Variants in NUP37 observed in about 807,000 individuals in gnomAD.
NUP37 encodes nucleoporin Nup37.
A neutral mutation model predicts 45.4 loss-of-function variants in NUP37; 33 were observed. That is an observed-to-expected ratio of 0.73 (90% CI 0.55 to 0.97). The LOEUF (loss-of-function observed/expected upper bound fraction) is 0.97, where lower values mean the gene tolerates loss of function less well. Among genes scored for constraint, NUP37 ranks in the 50% least tolerant of loss-of-function variants. The probability of loss-of-function intolerance (pLI) is 0.00; values close to 1 mark genes in which losing one functional copy is unlikely to be tolerated. For missense variants in NUP37, 365 were observed against 389.7 expected (o/e 0.94, Z 0.53); for synonymous variants, 127 against 130.7 (o/e 0.97, Z 0.19).
intron 3 of NUP37, among the ~76,000 whole-genome samples, chr12:102,111,303 GGAA>G (rs1880311007): frequency 1.3e-5 from 2 of 152,242 alleles, no homozygotes; most frequent in South Asian, 4.1e-4. Context: ...TGATTAACTG[GGAA>G]GAAGTATGAC....
chr12:102,112,886 ATTGT>A (rs1046118687), intron 2 of NUP37, among the ~76,000 whole-genome samples: 2 of 152,196 alleles, frequency 1.3e-5, no homozygotes, highest in Admixed American at 6.5e-5. Context: ...CTGAACTATT[ATTGT>A]TTATGAATAG....
intron 2 of NUP37, among the ~76,000 whole-genome samples, chr12:102,113,683 A>G (rs1880379349): frequency 1.3e-5 from 2 of 152,212 alleles, no homozygotes; most frequent in African/African-American, 4.8e-5. Context: ...TTTTCTTTAT[A>G]AAAGTGTATG....
chr12:102,110,875 A>G (rs1323143438), intron 3 of NUP37, among the ~76,000 whole-genome samples: 2 of 152,148 alleles, frequency 1.3e-5, no homozygotes, highest in Non-Finnish European at 2.9e-5. Flanking sequence ...GGAGAGTAGG[A>G]AGACCACCCT....
chr12:102,077,334 A>C lies in NUP37; in HGVS notation c.710T>G (p.Ile237Ser), dbSNP rs768632037. Residue 237 changes from isoleucine to serine, a missense_variant, in exon 7 of 10, where the codon ATT becomes AGT. Physicochemically the swap from Ile to Ser is moderately radical, Grantham distance 142. Coordinates refer to ENST00000552283, the MANE Select transcript of NUP37 (RefSeq NM_024057.4). ...ATCAAGAAAGTACCTGGACCGAGTA[A>C]TATCCCAAATTAACCAATCATTTCC... ...VAGNDWLIWDITRSSYPQNKR... is the reference protein window; with the variant it reads ...VAGNDWLIWDSTRSSYPQNKR... The C allele has an allele frequency of 1.2e-6, 2 of 1,614,092 alleles. No homozygotes were observed.
At chr12:102,092,224 C>T (rs1879675331) in intron 5 of NUP37, among the ~76,000 whole-genome samples, 1 of 151,988 alleles carries the variant, frequency 6.6e-6, no homozygotes, top group African/African-American at 2.4e-5. Flanking sequence ...TTTGACAACA[C>T]AAAAGAAAGA....
chr12:102,112,504 A>AG (rs1698343958), intron 2 of NUP37, among the ~76,000 whole-genome samples: 1 of 152,168 alleles, frequency 6.6e-6, no homozygotes, highest in African/African-American at 2.4e-5. Context: ...TTCAATGAAA[A>AG]TGGACTGCTT....
chr12:102,078,650 G>T (rs1268111353), intron 6 of NUP37, among the ~76,000 whole-genome samples: 1 of 152,208 alleles, frequency 6.6e-6, no homozygotes, highest in Non-Finnish European at 1.5e-5. Context: ...CTAAAATGGA[G>T]ATGGGAGGAT....
chr12:102,084,321 A>G (rs771741929), intron 6 of NUP37, among the ~76,000 whole-genome samples: 2 of 152,128 alleles, frequency 1.3e-5, no homozygotes, highest in Non-Finnish European at 2.9e-5. Flanking sequence ...TTCTCATGCA[A>G]ACTTGAGGAC....
At chr12:102,114,622 A>G (rs1880412464) in intron 2 of NUP37, among the ~76,000 whole-genome samples, 1 of 152,244 alleles carries the variant, frequency 6.6e-6, no homozygotes, top group Non-Finnish European at 1.5e-5. Context: ...AAGGGCTATT[A>G]TAAGGGTTTG....
intron 6 of NUP37, among the ~76,000 whole-genome samples, chr12:102,085,127 A>T (rs1317748632): frequency 1.3e-5 from 2 of 152,126 alleles, no homozygotes; most frequent in East Asian, 3.8e-4. Flanking sequence ...CAAACAAAAA[A>T]CTGCCTACTG....
At chr12:102,112,053 T>C (rs200637933) in intron 3 of NUP37, 55 bp downstream of exon 3, 17 of 1,538,012 alleles carry the variant, frequency 1.1e-5, no homozygotes, top group Non-Finnish European at 1.4e-5. Context: ...CTTCCAATCA[T>C]GTAACACAAT....
At chr12:102,094,661 C>G (rs914747448) in intron 5 of NUP37, among the ~76,000 whole-genome samples, 1 of 152,060 alleles carries the variant, frequency 6.6e-6, no homozygotes, top group Non-Finnish European at 1.5e-5. Context: ...TTTTAAACAA[C>G]TATATTACTG....
At chr12:102,111,819 A>T (rs1475252334) in intron 3 of NUP37, among the ~76,000 whole-genome samples, 1 of 152,238 alleles carries the variant, frequency 6.6e-6, no homozygotes, top group East Asian at 1.9e-4. Flanking sequence ...ATAAAGTTGT[A>T]AATTCAGTGA....
intron 5 of NUP37, among the ~76,000 whole-genome samples, chr12:102,091,891 C>T (rs1275349099): frequency 6.6e-6 from 1 of 152,096 alleles, no homozygotes; most frequent in Non-Finnish European, 1.5e-5. Flanking sequence ...TATTTTATTG[C>T]TATGATTATT....
At position 102,074,379 on chromosome 12, in the gene NUP37, A is replaced by G. The variant is rs767605689; in HGVS notation, c.956T>C (p.Leu319Pro). ...PLCVIGGDHK[L>P]LFWVTEV ...TTATACTTCAGTCACCCAAAACAACAGCTTGTGGTCTCCTCCAATTACACA... is the reference window on the plus strand; with the variant it reads ...TTATACTTCAGTCACCCAAAACAACGGCTTGTGGTCTCCTCCAATTACACA... Residue 319 changes from leucine (L) to proline (P), a missense_variant, in exon 10 of 10, where the codon CTG (leucine) becomes CCG (proline). Transcript: ENST00000552283. The G allele has an allele frequency of 6.2e-7, 1 of 1,612,562 alleles. No individual in the cohort carries two copies. Among genetic ancestry groups the G allele is most frequent in the Non-Finnish European group, 8.5e-7 (1 of 1,178,958 alleles).
At chr12:102,104,731 AC>A (rs1880076245) in intron 3 of NUP37, among the ~76,000 whole-genome samples, 1 of 152,146 alleles carries the variant, frequency 6.6e-6, no homozygotes, top group East Asian at 1.9e-4. Context: ...TAGCCTTGGA[AC>A]CTTTGTCAAA....
chr12:102,107,303 A>C lies in NUP37; in HGVS notation c.281+4805T>G, dbSNP rs75829921. ...ATGGTATGATAGGTTGCTAATGCCCAAGTTTTGATATCAGAACTTTGCCCA... is the reference window on the plus strand; with the variant it reads ...ATGGTATGATAGGTTGCTAATGCCCCAGTTTTGATATCAGAACTTTGCCCA... On this transcript the variant is annotated intron_variant, in intron 3 of 9. Coordinates refer to ENST00000552283, the MANE Select transcript of NUP37 (RefSeq NM_024057.4). 6.0e-3 allele frequency among the ~76,000 whole-genome samples: 910 copies of C among 152,308 alleles called. 5 individuals are homozygous for C. Among genetic ancestry groups the C allele is most frequent in the Non-Finnish European group, 9.4e-3 (640 of 68,026 alleles).
Position 102,074,420 on chromosome 12 carries a change from A to G in NUP37, c.915T>C (p.His305=), listed in dbSNP as rs1275763684. 6.8e-6 allele frequency: 11 copies of G among 1,613,144 alleles called. No individual in the cohort carries two copies. The highest frequency in any genetic ancestry group is 8.5e-6 in the Non-Finnish European group (10 of 1,179,464). ...SVAVGSGLSW[H]RTLPLCVIGG... ...CAATTACACACAGAGGGAGAGTTCG[A>G]TGCCAGGACAGTCCAGATCCAACGG... Residue 305 remains histidine, a synonymous_variant, in exon 10 of 10, where the codon CAT becomes CAC. Transcript: ENST00000552283.
intron 5 of NUP37, among the ~76,000 whole-genome samples, chr12:102,086,752 G>A (rs944257237): frequency 3.9e-5 from 6 of 152,136 alleles, no homozygotes; most frequent in Admixed American, 3.9e-4. Context: ...AGAACTCGGT[G>A]GGAGGCTGGC....
Sources: allele counts gnomAD v4.1 joint callset (sites outside exome capture counted in the v4.1 genomes callset), GRCh38; gene constraint gnomAD v4.1.1; transcripts MANE v1.5; gene names NCBI Gene and HGNC (gene_info 2026-07-23, HGNC 2026-07-21).